The following LARP1 variants were observed in gnomAD, a reference collection of about 807,000 sequenced individuals.
The protein encoded by LARP1 is La ribonucleoprotein 1, translational regulator.
In LARP1, 36 loss-of-function variants were observed where a neutral mutation model predicts 122.7. The observed-to-expected ratio is 0.29, with a 90% confidence interval of 0.22 to 0.39. The LOEUF (loss-of-function observed/expected upper bound fraction) is 0.39. LARP1 is among the 10% of genes least tolerant of loss of function. The pLI, the probability that LARP1 is intolerant of heterozygous loss-of-function variation, is 1.00. For synonymous variants in LARP1, 539 were observed against 528.7 expected (o/e 1.02, Z -0.27); for missense variants, 1,040 against 1,403.6 (o/e 0.74, Z 4.14).
chr5:154,709,489 G>A (rs970528123), upstream of LARP1, among the ~76,000 whole-genome samples: 50 of 151,944 alleles, frequency 3.3e-4, no homozygotes, highest in African/African-American at 1.2e-3. Flanking sequence ...AATTTAAGTA[G>A]GACTCTTGGT....
intron 4 of LARP1, 65 bp from the exon 5 acceptor site, chr5:154,793,530 G>A: frequency 1.2e-6 from 2 of 1,605,390 alleles, no homozygotes; most frequent in Non-Finnish European, 1.7e-6. Context: ...AAGAGGAGTT[G>A]GGTAGAGCTG....
chr5:154,778,241 C>T (rs568752944), intron 1 of LARP1, among the ~76,000 whole-genome samples: 1 of 137,538 alleles, frequency 7.3e-6, no homozygotes, highest in African/African-American at 2.8e-5. Context: ...GCCTGGGCCA[C>T]AGAGCGAGAC....
intron 6 of LARP1, 31 bp from the exon 7 acceptor site, chr5:154,794,069 C>G: frequency 6.2e-7 from 1 of 1,612,874 alleles, no homozygotes; most frequent in Middle Eastern, 1.7e-4. Flanking sequence ...CAGGAATCTC[C>G]TCTCCCTCAT....
chr5:154,698,023 G>T (rs1358347148), intron 1 of LARP1, among the ~76,000 whole-genome samples: 1 of 151,596 alleles, frequency 6.6e-6, no homozygotes, highest in Non-Finnish European at 1.5e-5. Flanking sequence ...ATGAGGTTGG[G>T]TGGTTTTTTT....
chr5:154,798,148 A>G (rs1276382250), intron 8 of LARP1, among the ~76,000 whole-genome samples: 4 of 152,174 alleles, frequency 2.6e-5, no homozygotes, highest in Non-Finnish European at 5.9e-5. Flanking sequence ...CCCTACCCCT[A>G]TAATTTTCTA....
intron 1 of LARP1, among the ~76,000 whole-genome samples, chr5:154,722,125 G>T (rs1755910653): frequency 1.3e-5 from 2 of 152,144 alleles, no homozygotes; most frequent in Non-Finnish European, 2.9e-5. Flanking sequence ...TTCTTCTACT[G>T]TAAAGTCCTT....
chr5:154,715,570 C>T (rs189151480), intron 1 of LARP1, among the ~76,000 whole-genome samples: 179 of 152,232 alleles, frequency 1.2e-3, no homozygotes, highest in African/African-American at 4.3e-3. Context: ...AACACTGAAA[C>T]GTTGCTGCTG....
chr5:154,698,370 G>T (rs1162702457), intron 1 of LARP1, among the ~76,000 whole-genome samples: 1 of 152,150 alleles, frequency 6.6e-6, no homozygotes, highest in East Asian at 1.9e-4. Flanking sequence ...GCCGAGGAGG[G>T]TGGATCACCT....
intron 8 of LARP1, among the ~76,000 whole-genome samples, chr5:154,798,628 A>T (rs1191067576): frequency 6.6e-6 from 1 of 151,960 alleles, no homozygotes; most frequent in Non-Finnish European, 1.5e-5. Flanking sequence ...TAGGCTCCCA[A>T]GTAGCTGGGA....
chr5:154,708,702 C>T (rs1004257299), upstream of LARP1, among the ~76,000 whole-genome samples: 2 of 152,110 alleles, frequency 1.3e-5, no homozygotes, highest in Non-Finnish European at 2.9e-5. Context: ...ACTTCCACCT[C>T]CTGGGTTCAA....
intron 1 of LARP1, among the ~76,000 whole-genome samples, chr5:154,781,075 TAAAA>T (rs927712762): frequency 1.3e-5 from 2 of 150,736 alleles, no homozygotes; most frequent in Admixed American, 6.6e-5. Flanking sequence ...TCTCAAAAAA[TAAAA>T]AAATGAGTTT....
intron 14 of LARP1, chr5:154,804,964 G>A (rs1044436540): frequency 1.5e-5 from 7 of 454,526 alleles, no homozygotes; most frequent in East Asian, 7.0e-5. Context: ...TTGAAAATCC[G>A]TGTATAACTT....
intron 1 of LARP1, among the ~76,000 whole-genome samples, chr5:154,703,533 G>A (rs1754817416): frequency 6.6e-6 from 1 of 152,180 alleles, no homozygotes; most frequent in Non-Finnish European, 1.5e-5. Context: ...AGACTCACTT[G>A]AGCCCAGGAG....
intron 8 of LARP1, among the ~76,000 whole-genome samples, chr5:154,798,633 C>T (rs1758081178): frequency 1.3e-5 from 2 of 152,062 alleles, no homozygotes; most frequent in Non-Finnish European, 2.9e-5. Flanking sequence ...TCCCAAGTAG[C>T]TGGGACCACA....
At chr5:154,747,995 C>T (rs886949550) in intron 1 of LARP1, among the ~76,000 whole-genome samples, 15 of 152,282 alleles carry the variant, frequency 9.9e-5, no homozygotes, top group Admixed American at 3.3e-4. Flanking sequence ...TACAGGTATG[C>T]GGCACCACAC....
At chr5:154,766,583 C>T (rs970078596) in intron 1 of LARP1, among the ~76,000 whole-genome samples, 3 of 152,090 alleles carry the variant, frequency 2.0e-5, no homozygotes, top group Non-Finnish European at 2.9e-5. Flanking sequence ...GCCTGCTTGC[C>T]CCTGCTGCAG....
At chr5:154,764,619 A>AAAAAT (rs1754767594) in intron 1 of LARP1, among the ~76,000 whole-genome samples, 1 of 149,728 alleles carries the variant, frequency 6.7e-6, no homozygotes, top group Non-Finnish European at 1.5e-5. Flanking sequence ...AAAAAAAAAA[A>AAAAAT]ACTGGCTGGG....
intron 1 of LARP1, among the ~76,000 whole-genome samples, chr5:154,736,162 T>C (rs1756883930): frequency 6.6e-6 from 1 of 151,838 alleles, no homozygotes; most frequent in African/African-American, 2.4e-5. Flanking sequence ...AATGGCGTGA[T>C]CTCGGCTCAC....
chr5:154,711,607 T>A (rs1202637427), upstream of LARP1, among the ~76,000 whole-genome samples: 1 of 152,128 alleles, frequency 6.6e-6, no homozygotes, highest in Non-Finnish European at 1.5e-5. Context: ...GTCTTCTACA[T>A]GAGGATAAAG....
Sources: allele counts gnomAD v4.1 joint callset (sites outside exome capture counted in the v4.1 genomes callset), GRCh38; gene constraint gnomAD v4.1.1; transcripts MANE v1.5; gene names NCBI Gene and HGNC (gene_info 2026-07-23, HGNC 2026-07-21).